CECR2: variants seen among roughly 807,000 people sequenced by gnomAD.
CECR2 encodes the protein CECR2 histone acetyl-lysine reader, also known as chromatin remodeling regulator CECR2.
In CECR2, 30 loss-of-function variants were observed where a neutral mutation model predicts 154.5. The observed-to-expected ratio is 0.19, with a 90% confidence interval of 0.15 to 0.26. CECR2 has a LOEUF of 0.26. Ranked by LOEUF, CECR2 falls within the 10% of genes least tolerant of loss-of-function variation. The probability of loss-of-function intolerance (pLI) is 1.00; values close to 1 mark genes in which losing one functional copy is unlikely to be tolerated. For synonymous variants in CECR2, 725 were observed against 683.7 expected (o/e 1.06, Z -0.94); for missense variants, 1,743 against 1,829.3 (o/e 0.95, Z 0.86).
intron 17 of CECR2, among the ~76,000 whole-genome samples, chr22:17,551,716 T>C (rs987074230): frequency 2.6e-5 from 4 of 152,000 alleles, no homozygotes; most frequent in Admixed American, 6.6e-5. Context: ...GAGGAGCACT[T>C]GAGCCCAGAA....
intron 1 of CECR2, among the ~76,000 whole-genome samples, chr22:17,416,660 C>A (rs2054160124): frequency 6.6e-6 from 1 of 152,136 alleles, no homozygotes; most frequent in African/African-American, 2.4e-5. Context: ...TGCCATCATG[C>A]CCAGCTAATT....
chr22:17,524,757 G>A (rs2056229234), intron 9 of CECR2: 1 of 205,240 alleles, frequency 4.9e-6, no homozygotes, highest in Non-Finnish European at 9.9e-6. Context: ...GAGTGCAGTG[G>A]CACAATCTTC....
Position 17,456,380 on chromosome 22 carries a change from A to G in CECR2, c.127-21208A>G, listed in dbSNP as rs2054854700. Among the ~76,000 whole-genome samples the G allele has an allele frequency of 2.0e-5, 3 of 152,108 alleles. No homozygotes were observed. The South Asian group carries it at 6.2e-4, about 32-fold the overall frequency. On this transcript the variant is annotated intron_variant, in intron 1 of 18. Transcript: ENST00000262608. ...ACAGCCATTCTTCTAAGAGGTGAAA[A>G]GGCAATATAGAACATTAAATTTGTT...
rs544824459 is a variant in CECR2, at chr22:17,481,109, G to C, written c.221+3427G>C. On this transcript the variant is annotated intron_variant, in intron 2 of 18. Transcript: ENST00000262608. ...CTGTAATCCCAGCACTTTGGGAGGTGGAGGCGGGCAGATCACGAGGTCAGG... is the reference window on the plus strand; with the variant it reads ...CTGTAATCCCAGCACTTTGGGAGGTCGAGGCGGGCAGATCACGAGGTCAGG... 3.7e-3 allele frequency among the ~76,000 whole-genome samples: 554 copies of C among 148,714 alleles called. 4 individuals carry two copies. The highest frequency in any genetic ancestry group is 6.6e-3 in the Non-Finnish European group (443 of 67,316).
chr22:17,454,487 C>T (rs2054822565), intron 1 of CECR2, among the ~76,000 whole-genome samples: 1 of 151,982 alleles, frequency 6.6e-6, no homozygotes, highest in Non-Finnish European at 1.5e-5. Flanking sequence ...CACCTGTAGT[C>T]CCAGCTACTC....
At chr22:17,414,120 CT>C (rs1443318134) in intron 1 of CECR2, among the ~76,000 whole-genome samples, 2 of 152,044 alleles carry the variant, frequency 1.3e-5, no homozygotes, top group East Asian at 1.9e-4. Context: ...CTACAGGTGC[CT>C]GCCACCACGC....
chr22:17,428,798 T>TTTTGTGTGTGTG (rs367634017), intron 1 of CECR2, among the ~76,000 whole-genome samples: 1 of 136,336 alleles, frequency 7.3e-6, no homozygotes, highest in African/African-American at 2.9e-5. Flanking sequence ...ATGTTTTTAT[T>TTTTGTGTGTGTG]TGTGTGTGTG....
chr22:17,396,465 T>C (rs1280325182), intron 1 of CECR2, among the ~76,000 whole-genome samples: 1 of 152,194 alleles, frequency 6.6e-6, no homozygotes, highest in East Asian at 1.9e-4. Context: ...GAGAATCGCT[T>C]GAACCCGGGA....
At chr22:17,503,627 G>T (rs2055779608) in intron 6 of CECR2, among the ~76,000 whole-genome samples, 1 of 152,190 alleles carries the variant, frequency 6.6e-6, no homozygotes, top group Admixed American at 6.5e-5. Context: ...ATCATTTCTA[G>T]ACTGTGAATA....
chr22:17,499,530 G>A lies in CECR2; in HGVS notation c.526G>A (p.Gly176Arg). The part of the protein sequence containing the change: ...KEDPVQGKSN[G>R]ELSLSRESEG... Reference sequence around the variant, plus strand: ...GGACCCGGTGCAAGGAAAATCCAATGGAGAACTCTCTTTGAGCAGGTATGT... The same window carrying A: ...GGACCCGGTGCAAGGAAAATCCAATAGAGAACTCTCTTTGAGCAGGTATGT... Residue 176 changes from glycine (G) to arginine (R), a missense_variant, in exon 4 of 19, where the codon GGA (glycine) becomes AGA (arginine). Transcript: ENST00000262608. The A allele has an allele frequency of 6.2e-7, 1 of 1,611,420 alleles. No homozygotes were observed. Among genetic ancestry groups the A allele is most frequent in the Non-Finnish European group, 8.5e-7 (1 of 1,178,750 alleles).
chr22:17,546,344 A>G (rs1296798), intron 16 of CECR2, among the ~76,000 whole-genome samples: 94,071 of 151,700 alleles, frequency 0.62, 29,520 homozygotes, highest in African/African-American at 0.71. Context: ...AAAATTAGCC[A>G]GCATGGTGTC....
chr22:17,542,061 G>A (rs1339133883), intron 15 of CECR2, 94 bp downstream of exon 15: 13 of 1,567,844 alleles, frequency 8.3e-6, no homozygotes, highest in Admixed American at 3.7e-5. Context: ...TGTTCATTGC[G>A]TCCTTTCCCA....
chr22:17,445,220 G>C (rs982885397), intron 1 of CECR2, among the ~76,000 whole-genome samples: 2 of 152,112 alleles, frequency 1.3e-5, no homozygotes, highest in African/African-American at 4.8e-5. Context: ...AGAAGAATTT[G>C]ATGCAGCCAG....
chr22:17,430,041 A>G (rs572176915), intron 1 of CECR2, among the ~76,000 whole-genome samples: 47 of 152,140 alleles, frequency 3.1e-4, no homozygotes, highest in Non-Finnish European at 6.2e-4. Context: ...CGTTTCCTAT[A>G]TGGGGCATTC....
chr22:17,422,721 T>A (rs62239279), intron 1 of CECR2, among the ~76,000 whole-genome samples: 22,008 of 151,290 alleles, frequency 0.15, 1,626 homozygotes, highest in South Asian at 0.18. Context: ...TTTTTTTCCC[T>A]TTGGTTTTCA....
At chr22:17,515,283 T>A (rs1046701060) in intron 8 of CECR2, among the ~76,000 whole-genome samples, 3 of 152,004 alleles carry the variant, frequency 2.0e-5, no homozygotes, top group African/African-American at 7.3e-5. Flanking sequence ...GTGGAGAAAG[T>A]GGTCTGAGAC....
chr22:17,524,280 A>G lies in CECR2; in HGVS notation c.1108+9A>G. On this transcript the variant is annotated intron_variant, in intron 9 of 18. Transcript: ENST00000262608. The stretch of plus-strand genomic sequence containing the variant: ...GGTCAAGGCAGTGGAAGGTATGTGC[A>G]GTGTCCGCGTGGTCTGGAGAGGTGC... 6.2e-7 allele frequency: 1 copy of G among 1,605,568 alleles called. No homozygotes were observed. Among genetic ancestry groups the G allele is most frequent in the Non-Finnish European group, 8.5e-7 (1 of 1,176,626 alleles).
intron 1 of CECR2, among the ~76,000 whole-genome samples, chr22:17,404,368 CTTTT>C (rs1161498081): frequency 3.5e-5 from 1 of 28,718 alleles, no homozygotes; most frequent in African/African-American, 1.7e-4. Context: ...CCTGTTCTTT[CTTTT>C]TTTTTTTTTT....
At chr22:17,434,056 T>G (rs955390725) in intron 1 of CECR2, among the ~76,000 whole-genome samples, 5 of 152,168 alleles carry the variant, frequency 3.3e-5, no homozygotes, top group Non-Finnish European at 7.4e-5. Flanking sequence ...TCAGACCTTT[T>G]CCCCCAGTGT....
Sources: allele counts gnomAD v4.1 joint callset (sites outside exome capture counted in the v4.1 genomes callset), GRCh38; gene constraint gnomAD v4.1.1; transcripts MANE v1.5; gene names NCBI Gene and HGNC (gene_info 2026-07-23, HGNC 2026-07-21).